The following CPQ variants were observed in gnomAD, a reference collection of about 807,000 sequenced individuals.
CPQ encodes Ser-Met dipeptidase.
In CPQ, 37 loss-of-function variants were observed where a neutral mutation model predicts 45.7. The ratio of observed to expected loss-of-function variants is 0.81; its 90% confidence interval spans 0.62 to 1.07. The LOEUF (loss-of-function observed/expected upper bound fraction) is 1.07. CPQ is among the 50% of genes least tolerant of loss of function. CPQ has a pLI of 0.00. For synonymous variants in CPQ, 186 were observed against 205.8 expected, an observed-to-expected ratio of 0.90 and a Z score of 0.82; for missense variants, 537 against 572.9, an observed-to-expected ratio of 0.94 and a Z score of 0.64.
intron 5 of CPQ, among the ~76,000 whole-genome samples, chr8:97,015,202 G>T (rs28465610): frequency 0.088 from 13,342 of 152,062 alleles, 779 homozygotes; most frequent in Middle Eastern, 0.13. Flanking sequence ...TTGTAAGGTA[G>T]AACTCTTAAC....
At chr8:96,980,677 A>G (rs923503512) in intron 5 of CPQ, among the ~76,000 whole-genome samples, 1 of 152,136 alleles carries the variant, frequency 6.6e-6, no homozygotes, top group Non-Finnish European at 1.5e-5. Context: ...CCCATTGCAA[A>G]GTTCAGCTTG....
intron 1 of CPQ, among the ~76,000 whole-genome samples, chr8:96,764,822 C>T (rs148237241): frequency 3.0e-4 from 46 of 152,240 alleles, no homozygotes; most frequent in African/African-American, 9.9e-4. Flanking sequence ...CAGCATGAAA[C>T]CACCCAAATG....
intron 1 of CPQ, among the ~76,000 whole-genome samples, chr8:96,726,171 G>C (rs1346519170): frequency 1.3e-5 from 2 of 151,992 alleles, no homozygotes; most frequent in African/African-American, 2.4e-5. Context: ...GGGATCATTC[G>C]TACCCCAAAC....
intron 7 of CPQ, among the ~76,000 whole-genome samples, chr8:97,101,184 T>A (rs1811297836): frequency 6.6e-6 from 1 of 152,072 alleles, no homozygotes; most frequent in African/African-American, 2.4e-5. Context: ...TCAAATATAT[T>A]CCAAAACTAA....
intron 4 of CPQ, among the ~76,000 whole-genome samples, chr8:96,921,349 C>A (rs907032820): frequency 2.0e-5 from 3 of 152,196 alleles, no homozygotes; most frequent in Non-Finnish European, 4.4e-5. Flanking sequence ...ACAAATTTGC[C>A]AATCTCAAAA....
intron 7 of CPQ, among the ~76,000 whole-genome samples, chr8:97,113,022 A>G (rs1167768861): frequency 1.3e-5 from 2 of 152,160 alleles, no homozygotes; most frequent in East Asian, 1.9e-4. Flanking sequence ...TTTGCTAGTC[A>G]TGCTGCCCTG....
Position 96,798,542 on chromosome 8 carries a change from T to C in CPQ, c.433+13212T>C, listed in dbSNP as rs140354877. The stretch of plus-strand genomic sequence containing the variant: ...CAGTTCCATGGCCGTAAGTACCACC[T>C]TGTGCTTCAGCCACATGGGGTCTAT... On this transcript the variant is annotated intron_variant, in intron 2 of 7. Transcript: ENST00000220763. 2.3e-3 allele frequency among the ~76,000 whole-genome samples: 348 copies of C among 152,214 alleles called. 4 individuals carry two copies. The highest frequency in any genetic ancestry group is 8.2e-3 in the African/African-American group (340 of 41,534).
At chr8:97,076,257 G>A (rs537571653) in intron 7 of CPQ, among the ~76,000 whole-genome samples, 4 of 151,712 alleles carry the variant, frequency 2.6e-5, no homozygotes, top group South Asian at 4.2e-4. Flanking sequence ...AACACCTGAC[G>A]TCGTGATCCT....
intron 1 of CPQ, among the ~76,000 whole-genome samples, chr8:96,670,466 T>A (rs535087986): frequency 6.6e-6 from 1 of 152,228 alleles, no homozygotes; most frequent in Non-Finnish European, 1.5e-5. Flanking sequence ...ATAGATGGTG[T>A]CATGCAAAGA....
chr8:96,809,735 A>T (rs1262929126), intron 2 of CPQ, among the ~76,000 whole-genome samples: 1 of 152,184 alleles, frequency 6.6e-6, no homozygotes, highest in Non-Finnish European at 1.5e-5. Flanking sequence ...CAATTTCATT[A>T]TACATAAATT....
intron 2 of CPQ, among the ~76,000 whole-genome samples, chr8:96,786,956 C>T (rs1379451867): frequency 6.6e-6 from 1 of 151,882 alleles, no homozygotes; most frequent in Non-Finnish European, 1.5e-5. Context: ...TACTAATGTT[C>T]TCTCCCATTC....
chr8:97,133,500 T>C (rs1490815293), intron 7 of CPQ: 1 of 152,226 alleles, frequency 6.6e-6, no homozygotes, highest in Non-Finnish European at 1.5e-5. Context: ...ATTTTCTAAA[T>C]GGTAAAATCA....
chr8:96,831,910 A>T (rs1038166126), intron 2 of CPQ, among the ~76,000 whole-genome samples: 14 of 152,208 alleles, frequency 9.2e-5, no homozygotes, highest in African/African-American at 3.4e-4. Context: ...GACATTAAAA[A>T]TTCAGATTCT....
At chr8:96,658,501 C>A (rs545925842) in intron 1 of CPQ, among the ~76,000 whole-genome samples, 10 of 152,316 alleles carry the variant, frequency 6.6e-5, no homozygotes, top group African/African-American at 1.4e-4. Context: ...CCTACCACCC[C>A]CTACGGTGTC....
chr8:96,953,312 G>C (rs1435390995), intron 4 of CPQ, among the ~76,000 whole-genome samples: 3 of 152,072 alleles, frequency 2.0e-5, no homozygotes, highest in East Asian at 3.9e-4. Context: ...ACCTCTGCTT[G>C]AACACTGCCC....
At chr8:96,872,243 T>C (rs182830835) in intron 3 of CPQ, among the ~76,000 whole-genome samples, 28 of 152,050 alleles carry the variant, frequency 1.8e-4, no homozygotes, top group Non-Finnish European at 1.5e-5. Context: ...AAGGTAATTT[T>C]ATGAAATATT....
chr8:96,648,219 G>A (rs1360773030), intron 1 of CPQ, among the ~76,000 whole-genome samples: 2 of 152,186 alleles, frequency 1.3e-5, no homozygotes, highest in African/African-American at 4.8e-5. Context: ...AAGAGCTGAT[G>A]CCAGTTTGAT....
intron 4 of CPQ, among the ~76,000 whole-genome samples, chr8:96,915,522 A>G (rs921794760): frequency 6.6e-6 from 1 of 152,160 alleles, no homozygotes; most frequent in Non-Finnish European, 1.5e-5. Flanking sequence ...ACATCTCTTT[A>G]TTGATGAATT....
chr8:96,693,584 C>A (rs187865800), intron 1 of CPQ, among the ~76,000 whole-genome samples: 1 of 152,154 alleles, frequency 6.6e-6, no homozygotes, highest in East Asian at 1.9e-4. Flanking sequence ...AAGAAAAAAT[C>A]TTTTACCATG....
Sources: gnomAD v4.1 joint callset for allele counts (sites outside exome capture counted in the v4.1 genomes callset) on GRCh38, gnomAD v4.1.1 for gene constraint, MANE v1.5 for transcripts, NCBI Gene and HGNC (gene_info 2026-07-23, HGNC 2026-07-21) for gene names.